Variants in LRMDA observed in about 807,000 individuals in gnomAD.
The protein encoded by LRMDA is leucine-rich melanocyte differentiation-associated protein.
Under a neutral mutation model 29.8 loss-of-function variants are expected in LRMDA, and 18 were observed. The observed-to-expected ratio is 0.60, with a 90% CI of 0.42 to 0.90. LRMDA has a LOEUF of 0.90. Among genes scored for constraint, LRMDA ranks in the 40% least tolerant of loss-of-function variants. The pLI, the probability that LRMDA is intolerant of heterozygous loss-of-function variation, is 0.00. For missense variants in LRMDA, 273 were observed against 273.9 expected (o/e 1.00, Z 0.02); for synonymous variants, 125 against 109.4 (o/e 1.14, Z -0.89).
At chr10:75,536,417 A>G (rs1839945990) in intron 2 of LRMDA, among the ~76,000 whole-genome samples, 3 of 151,934 alleles carry the variant, frequency 2.0e-5, no homozygotes, top group African/African-American at 7.3e-5. Flanking sequence ...GAAAATCCTA[A>G]CTATGTATAT....
rs1039960278 is a variant in LRMDA, at chr10:75,558,786, G to T, written c.131+120292G>T. 8.8e-5 allele frequency among the ~76,000 whole-genome samples: 13 copies of T among 148,346 alleles called. No individual in the cohort carries two copies. In the East Asian group the frequency reaches 1.0e-3, roughly 11 times the overall value. ...TATGAGTGAGAACATGTGGTGTTTG[G>T]TTTTTTATCCTTGCGATAGTTTACT... is the stretch of plus-strand genomic sequence containing the variant. On this transcript the variant is annotated intron_variant, in intron 2 of 6. Coordinates refer to ENST00000611255, the MANE Select transcript of LRMDA (RefSeq NM_001305581.2).
chr10:76,322,463 GTAAT>G (rs1840783067), intron 5 of LRMDA, among the ~76,000 whole-genome samples: 1 of 152,214 alleles, frequency 6.6e-6, no homozygotes, highest in African/African-American at 2.4e-5. Flanking sequence ...GAGCAGGAAA[GTAAT>G]TAAGTGCTGG....
intron 2 of LRMDA, among the ~76,000 whole-genome samples, chr10:75,664,093 C>T (rs1841790662): frequency 6.6e-6 from 1 of 152,158 alleles, no homozygotes; most frequent in African/African-American, 2.4e-5. Flanking sequence ...GGGAATTGGT[C>T]CAGCCTCCAC....
chr10:75,598,256 G>T (rs1055022104), intron 2 of LRMDA, among the ~76,000 whole-genome samples: 1 of 152,178 alleles, frequency 6.6e-6, no homozygotes, highest in Non-Finnish European at 1.5e-5. Flanking sequence ...CTGCTTCACT[G>T]ATGAGTCCAA....
At chr10:76,406,128 G>A (rs1841899178) in intron 6 of LRMDA, among the ~76,000 whole-genome samples, 1 of 152,210 alleles carries the variant, frequency 6.6e-6, no homozygotes, top group South Asian at 2.1e-4. Context: ...TTTAAAACCA[G>A]GGGAAGTGCT....
intron 2 of LRMDA, among the ~76,000 whole-genome samples, chr10:76,025,239 A>G (rs376841595): frequency 2.7e-4 from 41 of 150,194 alleles, no homozygotes; most frequent in African/African-American, 9.1e-4. Flanking sequence ...AGGATAGCCC[A>G]GAGAAGGAGA....
intron 6 of LRMDA, among the ~76,000 whole-genome samples, chr10:76,428,114 A>C (rs17465450): frequency 0.048 from 7,255 of 152,068 alleles, 227 homozygotes; most frequent in Middle Eastern, 0.092. Flanking sequence ...TTAATTTCTT[A>C]TTATGCTCAC....
intron 2 of LRMDA, among the ~76,000 whole-genome samples, chr10:75,461,249 T>C (rs1844580378): frequency 6.6e-6 from 1 of 152,198 alleles, no homozygotes. Flanking sequence ...GAAAGCATGA[T>C]CTGTTGATAT....
At chr10:76,410,047 G>A (rs958346597) in intron 6 of LRMDA, among the ~76,000 whole-genome samples, 17 of 152,124 alleles carry the variant, frequency 1.1e-4, no homozygotes, top group African/African-American at 3.6e-4. Context: ...AGGGAGAAAT[G>A]TGAGAAGAGT....
chr10:76,090,450 A>G (rs988671738), intron 5 of LRMDA, among the ~76,000 whole-genome samples: 2 of 152,198 alleles, frequency 1.3e-5, no homozygotes, highest in African/African-American at 4.8e-5. Flanking sequence ...GCAAAATGCT[A>G]TGGAATAGTA....
chr10:75,935,582 C>T (rs543561495), intron 2 of LRMDA, among the ~76,000 whole-genome samples: 6 of 152,148 alleles, frequency 3.9e-5, no homozygotes, highest in African/African-American at 1.2e-4. Context: ...AATGTCAATA[C>T]GTTAAGCCTG....
At position 76,051,963 on chromosome 10, in the gene LRMDA, G is replaced by A. The variant is rs1184485243; in HGVS notation, c.398+4660G>A. Among the ~76,000 whole-genome samples, 7 of 152,348 alleles carry A rather than the reference G, an allele frequency of 4.6e-5. No homozygotes were observed. The South Asian group carries it at 1.5e-3, about 32-fold the overall frequency. ...TATTATTATGAAACATATACGTTCA[G>A]CAGTTGATCACGGCTTCTGTTCAGC... On this transcript the variant is annotated intron_variant, in intron 4 of 6. Transcript: ENST00000611255.
chr10:76,379,109 G>A (rs1205448319), intron 6 of LRMDA, among the ~76,000 whole-genome samples: 3 of 151,032 alleles, frequency 2.0e-5, no homozygotes, highest in African/African-American at 4.9e-5. Flanking sequence ...CACCCACCTC[G>A]GCCTCCCAAA....
chr10:75,437,131 A>G (rs1203053457), intron 1 of LRMDA, among the ~76,000 whole-genome samples: 2 of 152,136 alleles, frequency 1.3e-5, no homozygotes, highest in Non-Finnish European at 2.9e-5. Context: ...TGGATAGGAG[A>G]AGGTTGAGAG....
At chr10:75,897,075 G>C (rs1845596233) in intron 2 of LRMDA, among the ~76,000 whole-genome samples, 1 of 152,172 alleles carries the variant, frequency 6.6e-6, no homozygotes. Context: ...CCGTAGAAAA[G>C]CTGAAATGTA....
chr10:76,326,641 A>T (rs1840836701), intron 6 of LRMDA, among the ~76,000 whole-genome samples: 1 of 152,210 alleles, frequency 6.6e-6, no homozygotes, highest in African/African-American at 2.4e-5. Context: ...CCACACCAAC[A>T]ACTACAAAAA....
chr10:76,017,269 C>T (rs1355983333), intron 2 of LRMDA, among the ~76,000 whole-genome samples: 4 of 152,182 alleles, frequency 2.6e-5, no homozygotes, highest in Non-Finnish European at 5.9e-5. Context: ...TGGAGTTAGG[C>T]TGGGGCAGAC....
chr10:75,942,654 C>T (rs1434620918), intron 2 of LRMDA, among the ~76,000 whole-genome samples: 1 of 152,160 alleles, frequency 6.6e-6, no homozygotes, highest in Non-Finnish European at 1.5e-5. Flanking sequence ...ATTAGTTTTG[C>T]AGTGATGCCC....
At chr10:76,342,096 A>G (rs911519557) in intron 6 of LRMDA, among the ~76,000 whole-genome samples, 4 of 152,200 alleles carry the variant, frequency 2.6e-5, no homozygotes, top group Non-Finnish European at 5.9e-5. Flanking sequence ...ACTGGATCAC[A>G]AACAAAATTT....
Sources: gnomAD v4.1 joint callset for allele counts (sites outside exome capture counted in the v4.1 genomes callset) on GRCh38, gnomAD v4.1.1 for gene constraint, MANE v1.5 for transcripts, NCBI Gene and HGNC (gene_info 2026-07-23, HGNC 2026-07-21) for gene names.